VGLL1: variants seen among roughly 807,000 people sequenced by gnomAD.
VGLL1 encodes the protein vestigial like family member 1.
Under a neutral mutation model 12.0 loss-of-function variants are expected in VGLL1, and 4 were observed. The observed-to-expected ratio is 0.33, with a 90% CI of 0.16 to 0.76. VGLL1 has a LOEUF of 0.76. Ranked by LOEUF, VGLL1 falls within the 30% of genes least tolerant of loss-of-function variation. VGLL1 has a pLI of 0.60. For synonymous variants in VGLL1, 87 were observed against 81.2 expected (o/e 1.07, Z -0.39); for missense variants, 204 against 208.7 (o/e 0.98, Z 0.14).
chrX:136,540,406 C>T (rs953847869), intron 2 of VGLL1, among the ~76,000 whole-genome samples: 3 of 111,213 alleles, frequency 2.7e-5, no homozygotes, highest in African/African-American at 9.8e-5. Context: ...TGCACATGGT[C>T]TCTCCTATCC....
chrX:136,556,412 C>A (rs1048831107), intron 4 of VGLL1, 39 bp from the exon 5 acceptor site: 1 of 1,127,600 alleles, frequency 8.9e-7, no homozygotes, highest in Admixed American at 2.2e-5. Context: ...TCCATAGGGG[C>A]CTAACTGGCT....
chrX:136,546,523 G>T (rs979012348), intron 2 of VGLL1, among the ~76,000 whole-genome samples: 2 of 112,394 alleles, frequency 1.8e-5, no homozygotes, highest in Non-Finnish European at 3.8e-5. Context: ...TGACCATATA[G>T]GACTTTGGGC....
At chrX:136,532,745 C>T (rs2075829347) in intron 1 of VGLL1, among the ~76,000 whole-genome samples, 1 of 101,115 alleles carries the variant, frequency 9.9e-6, no homozygotes, top group Admixed American at 1.1e-4. Flanking sequence ...TTTGAGGGAG[C>T]ACTTTCTGTC....
At chrX:136,549,057 G>A (rs778881176) in intron 3 of VGLL1, 49 bp downstream of exon 3, 1 of 1,142,975 alleles carries the variant, frequency 8.7e-7, no homozygotes, top group East Asian at 3.0e-5. Flanking sequence ...GATTGGTTGT[G>A]GTTGAGAGTG....
At chrX:136,540,497 C>T (rs1271896371) in intron 2 of VGLL1, among the ~76,000 whole-genome samples, 1 of 111,690 alleles carries the variant, frequency 9.0e-6, no homozygotes, top group East Asian at 2.8e-4. Flanking sequence ...CCACTTCAAA[C>T]AGTCCTTGTC....
intron 4 of VGLL1, 173 bp downstream of exon 4, chrX:136,550,994 C>A: frequency 2.3e-6 from 1 of 442,047 alleles, no homozygotes; most frequent in Middle Eastern, 5.9e-4. Flanking sequence ...GAATTTGTTT[C>A]ATTTTAGCCT....
At chrX:136,535,517 C>T (rs2075837344) in intron 1 of VGLL1, among the ~76,000 whole-genome samples, 1 of 110,866 alleles carries the variant, frequency 9.0e-6, no homozygotes. Flanking sequence ...CCTCTGCGTG[C>T]GAGTGGTCAA....
rs368284448 is a variant in VGLL1, at chrX:136,548,595, G to T, written c.221G>T (p.Ser74Ile). 16 of 1,206,616 alleles carry T rather than the reference G, an allele frequency of 1.3e-5. No homozygotes were observed. The highest frequency in any genetic ancestry group is 3.5e-5 in the African/African-American group (2 of 56,934). Residue 74 changes from serine (S) to isoleucine (I), a missense_variant, in exon 3 of 5, where the codon AGC (serine) becomes ATC (isoleucine). By Grantham distance (142) the Ser-to-Ile change is moderately radical (BLOSUM62 -2). Coordinates refer to ENST00000370634, the MANE Select transcript of VGLL1 (RefSeq NM_016267.4). ...CTAAATCTTTCCTTCTCAGATGATAGCATGTCTCCAAATCAGTGGCGTTAC... is the reference window on the plus strand; with the variant it reads ...CTAAATCTTTCCTTCTCAGATGATATCATGTCTCCAAATCAGTGGCGTTAC... The part of the protein sequence containing the change: ...SEGVMLKNDD[S>I]MSPNQWRYSS...
intron 1 of VGLL1, among the ~76,000 whole-genome samples, chrX:136,532,622 TTTCTTTC>T: frequency 1.0e-5 from 1 of 95,490 alleles, no homozygotes; most frequent in Admixed American, 1.2e-4. Flanking sequence ...TCTTTCTTTC[TTTCTTTC>T]TTTCTTTCTT....
intron 2 of VGLL1, among the ~76,000 whole-genome samples, chrX:136,537,777 G>A (rs2075844276): frequency 9.2e-6 from 1 of 108,515 alleles, no homozygotes; most frequent in South Asian, 4.2e-4. Context: ...TGTTGCCCAG[G>A]CAGGTCTTAG....
At chrX:136,551,977 G>A (rs149142758) in intron 4 of VGLL1, among the ~76,000 whole-genome samples, 144 of 111,311 alleles carry the variant, frequency 1.3e-3, no homozygotes, top group Middle Eastern at 4.7e-3. Context: ...CCTGATCTCA[G>A]GCATTTGACA....
Position 136,556,589 on chromosome X carries a change from C to T in VGLL1, c.*50C>T. 9.3e-7 allele frequency: 1 copy of T among 1,077,775 alleles called. No individual in the cohort carries two copies. The highest frequency in any genetic ancestry group is 1.3e-6 in the Non-Finnish European group (1 of 778,129). 88.8% of individuals were successfully genotyped at this position (1,077,775 alleles called of 1,213,427 possible). ...CTTGGTCTAAGACACGGCAGCAAGA[C>T]ATCCCTGCATATTGTTCCAGATAAA... On this transcript the variant is annotated 3_prime_UTR_variant, in exon 5 of 5. Transcript: ENST00000370634.
intron 2 of VGLL1, among the ~76,000 whole-genome samples, chrX:136,548,190 G>T (rs937017155): frequency 9.0e-6 from 1 of 111,452 alleles, no homozygotes; most frequent in African/African-American, 3.3e-5. Flanking sequence ...TAGTAGAGAT[G>T]TGGTTTCACA....
At chrX:136,541,373 A>C (rs761747098) in intron 2 of VGLL1, among the ~76,000 whole-genome samples, 46 of 111,934 alleles carry the variant, frequency 4.1e-4, no homozygotes, top group African/African-American at 1.4e-3. Context: ...TGTCTCCCTC[A>C]CAGAGTGTGG....
chrX:136,554,694 T>C (rs1329999213), intron 4 of VGLL1, among the ~76,000 whole-genome samples: 1 of 111,631 alleles, frequency 9.0e-6, no homozygotes, highest in East Asian at 2.8e-4. Context: ...ACAGGGGTAT[T>C]TGAGATCTAT....
At chrX:136,555,405 A>G (rs2075898443) in intron 4 of VGLL1, among the ~76,000 whole-genome samples, 1 of 111,912 alleles carries the variant, frequency 8.9e-6, no homozygotes, top group African/African-American at 3.2e-5. Flanking sequence ...TTGAAATGAT[A>G]AAGAGAAAAA....
rs755005890 is a variant in VGLL1 at position 136,550,833 on chromosome X, G to C, written c.688+12G>C. 8.3e-7 allele frequency: 1 copy of C among 1,202,556 alleles called. No individual in the cohort carries two copies. The highest frequency in any genetic ancestry group is 1.8e-5 in the South Asian group (1 of 56,527). On this transcript the variant is annotated intron_variant, in intron 4 of 4. Transcript: ENST00000370634. Reference sequence around the variant, plus strand: ...CCTTCCAAATGAAAGTAGGTATCTGGGCCAGCCTTTGATGGTGTGTGTCTG... The same window carrying C: ...CCTTCCAAATGAAAGTAGGTATCTGCGCCAGCCTTTGATGGTGTGTGTCTG...
rs1569362014 is a variant in VGLL1 at position 136,548,437 on chromosome X, C to T, written c.215-152C>T. 3 of 588,715 alleles carry T rather than the reference C, an allele frequency of 5.1e-6. No individual in the cohort carries two copies. The East Asian group carries it at 1.0e-4, about 20-fold the overall frequency. 48.5% of individuals were successfully genotyped at this position (588,715 alleles called of 1,213,427 possible). A position where few individuals can be genotyped will look rare whatever the true frequency, so the allele number is the denominator to read the frequency against. On this transcript the variant is annotated intron_variant, in intron 2 of 4. Transcript: ENST00000370634. Reference sequence around the variant, plus strand: ...ACAGTACACCTACGGAGGACAATGGCTGTTTCTGGATATTATCATTAGGAT... The same window carrying T: ...ACAGTACACCTACGGAGGACAATGGTTGTTTCTGGATATTATCATTAGGAT...
intron 4 of VGLL1, among the ~76,000 whole-genome samples, chrX:136,552,898 C>A (rs1351644042): frequency 9.0e-6 from 1 of 111,576 alleles, no homozygotes; most frequent in East Asian, 2.8e-4. Flanking sequence ...GGGACCAGGG[C>A]ACTATCCTAA....
Sources: allele counts gnomAD v4.1 joint callset (sites outside exome capture counted in the v4.1 genomes callset), GRCh38; gene constraint gnomAD v4.1.1; transcripts MANE v1.5; gene names NCBI Gene and HGNC (gene_info 2026-07-23, HGNC 2026-07-21).